Variants in SEMA6D observed in about 807,000 individuals in gnomAD.
SEMA6D encodes semaphorin 6D.
In SEMA6D, 35 loss-of-function variants were observed where a neutral mutation model predicts 106.6. The ratio of observed to expected loss-of-function variants is 0.33; its 90% CI spans 0.25 to 0.44. The LOEUF (loss-of-function observed/expected upper bound fraction) is 0.44. Among genes scored for constraint, SEMA6D ranks in the 20% least tolerant of loss-of-function variants. The probability of loss-of-function intolerance (pLI) is 1.00; values close to 1 mark genes in which losing one functional copy is unlikely to be tolerated. For synonymous variants in SEMA6D, 499 were observed against 487.7 expected (o/e 1.02, Z -0.31); for missense variants, 1,185 against 1,345.9 (o/e 0.88, Z 1.87).
At chr15:47,351,040 A>G (rs904352785) in intron 1 of SEMA6D, among the ~76,000 whole-genome samples, 1 of 152,150 alleles carries the variant, frequency 6.6e-6, no homozygotes, top group African/African-American at 2.4e-5. Context: ...CTGACTCTTC[A>G]TTAAATACCC....
chr15:47,713,893 A>G (rs2079064403), upstream of SEMA6D, among the ~76,000 whole-genome samples: 1 of 152,176 alleles, frequency 6.6e-6, no homozygotes, highest in Non-Finnish European at 1.5e-5. Context: ...GGTTGGATTA[A>G]GTTTCAAATT....
intron 1 of SEMA6D, among the ~76,000 whole-genome samples, chr15:47,240,333 A>AAC (rs1219743415): frequency 6.6e-6 from 1 of 152,180 alleles, no homozygotes; most frequent in Non-Finnish European, 1.5e-5. Flanking sequence ...AGAAAGGGTA[A>AAC]ATTATTTTAC....
chr15:47,422,093 A>AT (rs36181544), intron 2 of SEMA6D, among the ~76,000 whole-genome samples: 81,076 of 149,054 alleles, frequency 0.54, 22,347 homozygotes, highest in Middle Eastern at 0.63. Context: ...TCCATTGTTT[A>AT]TTTTTTTTTC....
At chr15:47,253,025 G>A (rs2141961749) in intron 1 of SEMA6D, among the ~76,000 whole-genome samples, 1 of 152,100 alleles carries the variant, frequency 6.6e-6, no homozygotes, top group Non-Finnish European at 1.5e-5. Flanking sequence ...AACAGTCAAG[G>A]ATTCCTCTTT....
At chr15:47,524,985 A>G (rs886988772) in intron 3 of SEMA6D, among the ~76,000 whole-genome samples, 3 of 152,100 alleles carry the variant, frequency 2.0e-5, no homozygotes, top group Admixed American at 1.3e-4. Context: ...TCCCTTCCTA[A>G]AGAGGGACTG....
At chr15:47,705,181 AC>A (rs1296895034) in intron 4 of SEMA6D, among the ~76,000 whole-genome samples, 1 of 152,164 alleles carries the variant, frequency 6.6e-6, no homozygotes, top group Non-Finnish European at 1.5e-5. Flanking sequence ...GAGCAATGGT[AC>A]TAAATGGAGA....
At chr15:47,488,919 C>T (rs564639530) in intron 3 of SEMA6D, among the ~76,000 whole-genome samples, 1 of 152,258 alleles carries the variant, frequency 6.6e-6, no homozygotes, top group East Asian at 1.9e-4. Flanking sequence ...TAATTGAAGA[C>T]TTAAGCATGG....
intron 4 of SEMA6D, among the ~76,000 whole-genome samples, chr15:47,679,803 A>G (rs1013457144): frequency 2.0e-5 from 3 of 152,212 alleles, no homozygotes; most frequent in African/African-American, 7.2e-5. Context: ...CATTTTTGCA[A>G]TCTTTGGCTG....
At chr15:47,208,240 A>G (rs1276339726) in intron 1 of SEMA6D, among the ~76,000 whole-genome samples, 1 of 152,136 alleles carries the variant, frequency 6.6e-6, no homozygotes, top group African/African-American at 2.4e-5. Context: ...TAAATTAGTT[A>G]ACGTATTAAA....
intron 1 of SEMA6D, among the ~76,000 whole-genome samples, chr15:47,282,856 C>A (rs1174185227): frequency 6.6e-6 from 1 of 152,124 alleles, no homozygotes; most frequent in African/African-American, 2.4e-5. Context: ...AGACGCTTAC[C>A]AGCACTGTTG....
chr15:47,602,702 C>T (rs1212963754), intron 4 of SEMA6D, among the ~76,000 whole-genome samples: 3 of 152,108 alleles, frequency 2.0e-5, no homozygotes, highest in Non-Finnish European at 2.9e-5. Context: ...CTGAATCAAG[C>T]CTGGATCTCA....
In SEMA6D at chr15:47,588,570, G is replaced by A. The variant is rs370710956; in HGVS notation, c.-86-12295G>A. Among the ~76,000 whole-genome samples, 5 of 152,182 alleles carry A rather than the reference G, an allele frequency of 3.3e-5. No individual in the cohort carries two copies. In the East Asian group the frequency reaches 7.7e-4, roughly 23 times the overall value. On this transcript the variant is annotated intron_variant, in intron 3 of 19. Coordinates refer to the SEMA6D transcript ENST00000558014. Reference sequence around the variant, plus strand: ...GCACACATCTGAAACCACAAATCACGAATTTGAGACTACAGAGAGCCTCCC... The same window carrying A: ...GCACACATCTGAAACCACAAATCACAAATTTGAGACTACAGAGAGCCTCCC...
At chr15:47,484,147 A>G (rs561626886) in intron 3 of SEMA6D, among the ~76,000 whole-genome samples, 2 of 152,282 alleles carry the variant, frequency 1.3e-5, no homozygotes, top group East Asian at 1.9e-4. Flanking sequence ...TTTTGGCACA[A>G]TCAACATTTT....
chr15:47,596,941 A>G (rs558820298), intron 3 of SEMA6D, among the ~76,000 whole-genome samples: 39 of 152,252 alleles, frequency 2.6e-4, no homozygotes, highest in Non-Finnish European at 1.0e-4. Flanking sequence ...AAGGCATTAC[A>G]TCAGACTAAA....
intron 4 of SEMA6D, among the ~76,000 whole-genome samples, chr15:47,697,867 G>A (rs551294902): frequency 2.6e-5 from 4 of 152,298 alleles, no homozygotes; most frequent in Admixed American, 6.5e-5. Context: ...TTGAAGATCA[G>A]TAACATTTGT....
intron 2 of SEMA6D, among the ~76,000 whole-genome samples, chr15:47,440,569 C>A (rs1200169549): frequency 6.6e-6 from 1 of 151,646 alleles, no homozygotes; most frequent in Non-Finnish European, 1.5e-5. Flanking sequence ...AACTGCCATT[C>A]ATGCATGAGG....
At chr15:47,506,257 C>T (rs2044033890) in intron 3 of SEMA6D, among the ~76,000 whole-genome samples, 1 of 152,184 alleles carries the variant, frequency 6.6e-6, no homozygotes. Context: ...AAATGCTTAG[C>T]ATCCCAGGCC....
intron 17 of SEMA6D, among the ~76,000 whole-genome samples, chr15:47,767,919 C>G (rs1043441922): frequency 6.6e-6 from 1 of 150,724 alleles, no homozygotes; most frequent in African/African-American, 2.4e-5. Context: ...TTTGTAAATG[C>G]CATTGCCTTT....
chr15:47,644,729 A>G (rs747990744), intron 4 of SEMA6D, among the ~76,000 whole-genome samples: 9 of 152,200 alleles, frequency 5.9e-5, no homozygotes, highest in Non-Finnish European at 1.2e-4. Context: ...ATACATGTCT[A>G]TTCTTTATAA....
Sources: gnomAD v4.1 joint callset for allele counts (sites outside exome capture counted in the v4.1 genomes callset) on GRCh38, gnomAD v4.1.1 for gene constraint, MANE v1.5 for transcripts, NCBI Gene and HGNC (gene_info 2026-07-23, HGNC 2026-07-21) for gene names.